NAALADL2: variants seen among roughly 807,000 people sequenced by gnomAD.
NAALADL2 encodes N-acetylated alpha-linked acidic dipeptidase like 2, also known as inactive N-acetylated-alpha-linked acidic dipeptidase-like protein 2.
Under a neutral mutation model 87.2 loss-of-function variants are expected in NAALADL2, and 76 were observed. The ratio of observed to expected loss-of-function variants is 0.87; its 90% CI spans 0.72 to 1.05. NAALADL2 has a LOEUF of 1.05. Among genes scored for constraint, NAALADL2 ranks in the 50% least tolerant of loss-of-function variants. The pLI is 0.00. For missense variants in NAALADL2, 1,089 were observed against 945.8 expected (o/e 1.15, Z -1.99); for synonymous variants, 354 against 331.0 (o/e 1.07, Z -0.75).
At chr3:174,987,589 A>AAC (rs1746085723) in intron 1 of NAALADL2, among the ~76,000 whole-genome samples, 1 of 141,214 alleles carries the variant, frequency 7.1e-6, no homozygotes, top group African/African-American at 2.8e-5. Context: ...AAAAAAAAAA[A>AAC]AAAAAAAAAC....
At chr3:174,506,576 T>C (rs563506932) in intron 1 of NAALADL2, among the ~76,000 whole-genome samples, 1 of 152,174 alleles carries the variant, frequency 6.6e-6, no homozygotes, top group Non-Finnish European at 1.5e-5. Context: ...ACCATATAAA[T>C]AATTCTGAAA....
At chr3:174,839,383 T>A (rs960505503) in intron 3 of NAALADL2, among the ~76,000 whole-genome samples, 11 of 152,188 alleles carry the variant, frequency 7.2e-5, no homozygotes, top group Non-Finnish European at 1.6e-4. Context: ...CTTGAAACTA[T>A]AAACACTCTA....
intron 1 of NAALADL2, among the ~76,000 whole-genome samples, chr3:174,896,258 C>A: frequency 6.6e-6 from 1 of 151,944 alleles, no homozygotes; most frequent in Non-Finnish European, 1.5e-5. Flanking sequence ...TTTGCTGATG[C>A]TATGATCTTA....
chr3:175,527,080 A>G (rs896223321), intron 9 of NAALADL2, among the ~76,000 whole-genome samples: 6 of 152,136 alleles, frequency 3.9e-5, no homozygotes, highest in African/African-American at 1.4e-4. Flanking sequence ...CTGAGCCCCC[A>G]GGTAGAGAGG....
At chr3:175,520,728 G>A (rs1009749372) in intron 9 of NAALADL2, among the ~76,000 whole-genome samples, 7 of 152,250 alleles carry the variant, frequency 4.6e-5, no homozygotes, top group African/African-American at 1.7e-4. Context: ...AACTTAGGAT[G>A]GATAAGAAAT....
chr3:175,217,857 T>C (rs1742791862), intron 2 of NAALADL2, among the ~76,000 whole-genome samples: 1 of 152,180 alleles, frequency 6.6e-6, no homozygotes, highest in Admixed American at 6.5e-5. Flanking sequence ...TTGGGGTTTG[T>C]GTTTGTTAGG....
At chr3:174,806,670 A>T (rs1321314905) in intron 3 of NAALADL2, among the ~76,000 whole-genome samples, 1 of 152,224 alleles carries the variant, frequency 6.6e-6, no homozygotes, top group African/African-American at 2.4e-5. Flanking sequence ...ATTCAAAACT[A>T]GGATTGTCTG....
intron 3 of NAALADL2, among the ~76,000 whole-genome samples, chr3:174,836,708 C>CAAAAAAAAAAAAAAAAAAAAA: frequency 1.5e-5 from 1 of 65,386 alleles, no homozygotes; most frequent in Non-Finnish European, 2.8e-5. Context: ...GACTCCGTCT[C>CAAAAAAAAAAAAAAAAAAAAA]AAAAAAAAAA....
intron 2 of NAALADL2, among the ~76,000 whole-genome samples, chr3:174,697,449 A>G (rs1008850058): frequency 1.3e-5 from 2 of 152,174 alleles, no homozygotes; most frequent in Non-Finnish European, 2.9e-5. Flanking sequence ...GCCTTCCAGT[A>G]AGTCACATTA....
At chr3:175,468,937 A>G (rs1430315232) in intron 8 of NAALADL2, among the ~76,000 whole-genome samples, 2 of 152,044 alleles carry the variant, frequency 1.3e-5, no homozygotes, top group East Asian at 3.9e-4. Flanking sequence ...CCTTTTGATA[A>G]TTGTATATTT....
chr3:174,980,411 G>T (rs1229356079), intron 1 of NAALADL2, among the ~76,000 whole-genome samples: 1 of 152,082 alleles, frequency 6.6e-6, no homozygotes, highest in East Asian at 1.9e-4. Flanking sequence ...GAGCCAGGAA[G>T]ATCACTTGAA....
At chr3:175,781,838 T>G (rs975135900) in intron 13 of NAALADL2, among the ~76,000 whole-genome samples, 1 of 151,898 alleles carries the variant, frequency 6.6e-6, no homozygotes, top group Admixed American at 6.6e-5. Flanking sequence ...ATTAGGTGTA[T>G]CTCCCAATGC....
In NAALADL2 at chr3:174,876,903, T is replaced by G. The variant is rs905186130; in HGVS notation, c.43+17453T>G. Among the ~76,000 whole-genome samples, 6 of 152,142 alleles carry G rather than the reference T, an allele frequency of 3.9e-5. No homozygotes were observed. In the East Asian group the frequency reaches 1.2e-3, roughly 29 times the overall value. On this transcript the variant is annotated intron_variant, in intron 1 of 13. Coordinates refer to ENST00000454872, the MANE Select transcript of NAALADL2 (RefSeq NM_207015.3). The stretch of plus-strand genomic sequence containing the variant: ...TTCTGGAAGCTGGGAAATTCAAGAT[T>G]AAGGCATTAGCAAATGTAGATTTGG...
chr3:175,108,712 T>G (rs1237066374), intron 2 of NAALADL2, among the ~76,000 whole-genome samples: 1 of 151,994 alleles, frequency 6.6e-6, no homozygotes, highest in Non-Finnish European at 1.5e-5. Flanking sequence ...ACACATCAGA[T>G]ATTCCCTTAT....
intron 5 of NAALADL2, among the ~76,000 whole-genome samples, chr3:175,364,047 A>G (rs190588424): frequency 1.8e-4 from 27 of 147,918 alleles, no homozygotes; most frequent in African/African-American, 6.4e-4. Context: ...TGGTAGCTGT[A>G]TTTCAGAGTA....
chr3:175,541,333 A>G (rs1712284223), intron 9 of NAALADL2, among the ~76,000 whole-genome samples: 1 of 152,228 alleles, frequency 6.6e-6, no homozygotes, highest in Non-Finnish European at 1.5e-5. Context: ...AGTTGAAAAT[A>G]TAAGTAAAAA....
intron 11 of NAALADL2, among the ~76,000 whole-genome samples, chr3:175,723,313 T>C (rs1265880480): frequency 6.6e-6 from 1 of 152,116 alleles, no homozygotes; most frequent in Non-Finnish European, 1.5e-5. Context: ...AACCATATGC[T>C]AAAAATTTAA....
chr3:174,752,512 CTG>C (rs1734933350), intron 3 of NAALADL2, among the ~76,000 whole-genome samples: 1 of 151,716 alleles, frequency 6.6e-6, no homozygotes, highest in Non-Finnish European at 1.5e-5. Context: ...TAAATTAACT[CTG>C]TGGGTTTCTT....
intron 2 of NAALADL2, among the ~76,000 whole-genome samples, chr3:174,560,582 GA>G (rs1713476801): frequency 6.6e-6 from 1 of 152,150 alleles, no homozygotes; most frequent in Admixed American, 6.5e-5. Flanking sequence ...ACCTTTTTGA[GA>G]GCTTAGCTGT....
Sources: allele counts gnomAD v4.1 joint callset (sites outside exome capture counted in the v4.1 genomes callset), GRCh38; gene constraint gnomAD v4.1.1; transcripts MANE v1.5; gene names NCBI Gene and HGNC (gene_info 2026-07-23, HGNC 2026-07-21).